TMEM131L: variants seen among roughly 807,000 people sequenced by gnomAD.
TMEM131L encodes the protein transmembrane protein 131-like.
TMEM131L carries 54 observed loss-of-function variants against 192.2 expected under a neutral mutation model. That is an observed-to-expected ratio of 0.28 (90% CI 0.23 to 0.35). TMEM131L has a LOEUF of 0.35. Among genes scored for constraint, TMEM131L ranks in the 10% least tolerant of loss-of-function variants. The pLI is 1.00. For synonymous variants in TMEM131L, 701 were observed against 704.9 expected, an observed-to-expected ratio of 0.99 and a Z score of 0.09; for missense variants, 1,888 against 1,972.9, an observed-to-expected ratio of 0.96 and a Z score of 0.82.
intron 7 of TMEM131L, among the ~76,000 whole-genome samples, chr4:153,577,956 A>C (rs1339709161): frequency 6.6e-6 from 1 of 152,196 alleles, no homozygotes; most frequent in Non-Finnish European, 1.5e-5. Flanking sequence ...AGGGTTCAGC[A>C]TGCCAACAAG....
Position 153,602,684 on chromosome 4 carries a change from A to G in TMEM131L, c.2596A>G (p.Ser866Gly). ...PLCADVVPGP[S>G]WEESFWRLTV... ...GTGTGCAGACGTGGTTCCAGGACCC[A>G]GCTGGGAGGAGTCATTTTGGAGGCT... The change falls in exon 23 of 35, where the codon AGC becomes GGC. Residue 866 changes from serine (S) to glycine (G), a missense_variant. Coordinates refer to ENST00000409959, the MANE Select transcript of TMEM131L (RefSeq NM_001131007.2). 6.2e-7 allele frequency: 1 copy of G among 1,613,944 alleles called. No individual in the cohort carries two copies. The highest frequency in any genetic ancestry group is 8.5e-7 in the Non-Finnish European group (1 of 1,179,902).
chr4:153,487,444 CAG>C (rs1444983894), intron 3 of TMEM131L, among the ~76,000 whole-genome samples: 12 of 152,148 alleles, frequency 7.9e-5, no homozygotes, highest in Non-Finnish European at 1.2e-4. Flanking sequence ...GTCCACCTAT[CAG>C]GGTCTCATAT....
chr4:153,485,831 G>T (rs1216258474), intron 3 of TMEM131L, among the ~76,000 whole-genome samples: 1 of 152,150 alleles, frequency 6.6e-6, no homozygotes, highest in Non-Finnish European at 1.5e-5. Context: ...AAACCTTATG[G>T]TTTACAAAGT....
intron 7 of TMEM131L, among the ~76,000 whole-genome samples, chr4:153,578,752 C>T (rs1315444542): frequency 6.6e-6 from 1 of 151,964 alleles, no homozygotes; most frequent in Non-Finnish European, 1.5e-5. Context: ...GATCTCCTGA[C>T]CCCGTGATCC....
At chr4:153,485,068 G>A (rs996468413) in intron 3 of TMEM131L, among the ~76,000 whole-genome samples, 44 of 142,954 alleles carry the variant, frequency 3.1e-4, no homozygotes, top group Non-Finnish European at 5.4e-4. Flanking sequence ...GCAGTGAGCC[G>A]AGATCACACC....
Position 153,602,523 on chromosome 4 carries a change from A to G in TMEM131L, c.2454-19A>G, listed in dbSNP as rs372317244. On this transcript the variant is annotated intron_variant, in intron 22 of 34. Coordinates refer to ENST00000409959, the MANE Select transcript of TMEM131L (RefSeq NM_001131007.2). ...TCAAAACAATTAAAAGTTCATAAAGATGACTCTTTTATTTTCAGGTTCACT... is the reference window on the plus strand; with the variant it reads ...TCAAAACAATTAAAAGTTCATAAAGGTGACTCTTTTATTTTCAGGTTCACT... The G allele has an allele frequency of 2.3e-5, 37 of 1,610,888 alleles. No homozygotes were observed. The African/African-American group carries it at 3.5e-4, about 15-fold the overall frequency.
intron 3 of TMEM131L, 23 bp from the exon 4 acceptor site, chr4:153,550,050 C>T: frequency 7.7e-7 from 1 of 1,294,992 alleles, no homozygotes; most frequent in Non-Finnish European, 1.1e-6. Context: ...ACAACAAAAT[C>T]AACCTCTCTT....
chr4:153,527,007 G>A (rs1477479798), intron 3 of TMEM131L, among the ~76,000 whole-genome samples: 1 of 152,088 alleles, frequency 6.6e-6, no homozygotes, highest in African/African-American at 2.4e-5. Context: ...CCTGAGACAT[G>A]GCAATTAAAT....
At chr4:153,506,418 C>T (rs192556336) in intron 3 of TMEM131L, among the ~76,000 whole-genome samples, 1 of 152,262 alleles carries the variant, frequency 6.6e-6, no homozygotes, top group East Asian at 1.9e-4. Flanking sequence ...CCAGGCTGTC[C>T]TTCAGGTATC....
At chr4:153,503,310 A>G (rs1026579320) in intron 3 of TMEM131L, among the ~76,000 whole-genome samples, 1 of 152,216 alleles carries the variant, frequency 6.6e-6, no homozygotes, top group Admixed American at 6.5e-5. Context: ...CTCTGGGAGC[A>G]TAACATCACT....
At chr4:153,595,038 A>G (rs1731333144) in intron 19 of TMEM131L, among the ~76,000 whole-genome samples, 1 of 152,204 alleles carries the variant, frequency 6.6e-6, no homozygotes, top group African/African-American at 2.4e-5. Context: ...AGAAGTTTTT[A>G]TCTATGACTG....
chr4:153,632,090 A>G (rs893515766), intron 31 of TMEM131L, among the ~76,000 whole-genome samples: 21 of 152,194 alleles, frequency 1.4e-4, no homozygotes, highest in African/African-American at 4.8e-4. Context: ...GAGGCAGTGG[A>G]TCAGTTGAGG....
intron 2 of TMEM131L, among the ~76,000 whole-genome samples, chr4:153,469,929 A>AAAAC (rs137897297): frequency 0.036 from 5,407 of 151,076 alleles, 319 homozygotes; most frequent in African/African-American, 0.12. Context: ...TTTGTCTCAA[A>AAAAC]AAACAAACAA....
At chr4:153,479,981 C>T (rs1409052730) in intron 3 of TMEM131L, among the ~76,000 whole-genome samples, 4 of 152,190 alleles carry the variant, frequency 2.6e-5, no homozygotes, top group South Asian at 4.1e-4. Flanking sequence ...GAGGCCAAGG[C>T]GGGCGGATCA....
chr4:153,537,768 A>G (rs1378608048), intron 3 of TMEM131L, among the ~76,000 whole-genome samples: 1 of 152,210 alleles, frequency 6.6e-6, no homozygotes, highest in Non-Finnish European at 1.5e-5. Context: ...AATGCAGCCC[A>G]GTAGGTTTCA....
At chr4:153,486,963 C>T (rs985318205) in intron 3 of TMEM131L, among the ~76,000 whole-genome samples, 4 of 152,210 alleles carry the variant, frequency 2.6e-5, no homozygotes, top group Admixed American at 2.0e-4. Context: ...CGGTCTAGGG[C>T]AGTGTTTCTC....
At position 153,581,403 on chromosome 4, in the gene TMEM131L, A is replaced by G. The variant is rs57000514; in HGVS notation, c.739-4A>G. 790 of 1,537,674 alleles carry G rather than the reference A, an allele frequency of 5.1e-4. 3 individuals carry two copies. The African/African-American group carries it at 1.0e-2, about 19-fold the overall frequency. ...TCCTTTTTTCCTCCTCCTTCCAACCATAGGGTTGTTATCTGGAATCTGATG... is the reference window on the plus strand; with the variant it reads ...TCCTTTTTTCCTCCTCCTTCCAACCGTAGGGTTGTTATCTGGAATCTGATG... On this transcript the variant is annotated splice_region_variant and splice_polypyrimidine_tract_variant and intron_variant, in intron 8 of 34. Coordinates refer to ENST00000409959, the MANE Select transcript of TMEM131L (RefSeq NM_001131007.2).
chr4:153,601,408 T>A (rs1434238523), intron 21 of TMEM131L, among the ~76,000 whole-genome samples: 2 of 151,964 alleles, frequency 1.3e-5, no homozygotes, highest in Non-Finnish European at 2.9e-5. Flanking sequence ...GTGCCTGTAG[T>A]CCTAGCTACT....
At chr4:153,589,706 C>G (rs147883984) in intron 16 of TMEM131L, among the ~76,000 whole-genome samples, 1 of 152,320 alleles carries the variant, frequency 6.6e-6, no homozygotes, top group East Asian at 1.9e-4. Context: ...TTCTAGTGAT[C>G]GATACTTCTC....
Sources: gnomAD v4.1 joint callset for allele counts (sites outside exome capture counted in the v4.1 genomes callset) on GRCh38, gnomAD v4.1.1 for gene constraint, MANE v1.5 for transcripts, NCBI Gene and HGNC (gene_info 2026-07-23, HGNC 2026-07-21) for gene names.